MLX: variants seen among roughly 807,000 people sequenced by gnomAD.
The protein encoded by MLX is max-like protein X.
MLX carries 15 observed loss-of-function variants against 33.0 expected under a neutral mutation model. The ratio of observed to expected loss-of-function variants is 0.45; its 90% CI spans 0.30 to 0.70. The LOEUF (loss-of-function observed/expected upper bound fraction) is 0.70. MLX is among the 30% of genes least tolerant of loss of function. MLX has a pLI of 0.07. For missense variants in MLX, 285 were observed against 306.3 expected (o/e 0.93, Z 0.52); for synonymous variants, 115 against 115.6 (o/e 0.99, Z 0.03).
Position 42,572,838 on chromosome 17 carries a change from C to T in MLX, c.*1235C>T. On this transcript the variant is annotated 3_prime_UTR_variant, in exon 8 of 8. Transcript: ENST00000435881. The stretch of plus-strand genomic sequence containing the variant: ...CAGTGCTCTGGTTTATGCTTGTCTC[C>T]TGACTGCTCTGCTTAAAGGTGAAAG... 1 of 1,125,032 alleles carries T rather than the reference C, an allele frequency of 8.9e-7. No homozygotes were observed. Among genetic ancestry groups the T allele is most frequent in the Non-Finnish European group, 1.3e-6 (1 of 753,866 alleles). The allele number at this position is 1,125,032 out of a possible 1,614,324, so 69.7% of individuals were successfully genotyped here. A position where few individuals can be genotyped will look rare whatever the true frequency, so the allele number is the denominator to read the frequency against.
Position 42,573,095 on chromosome 17 carries a change from A to T in MLX, c.*1492A>T. 6.2e-7 allele frequency: 1 copy of T among 1,614,228 alleles called. No individual in the cohort carries two copies. Among genetic ancestry groups the T allele is most frequent in the East Asian group, 2.2e-5 (1 of 44,886 alleles). ...CCACAGGGAAGCAAAGAAGGAAGAG[A>T]GCTCCACTTACAAAGAACTGCTTCT... is the stretch of plus-strand genomic sequence containing the variant. On this transcript the variant is annotated 3_prime_UTR_variant, in exon 8 of 8. Coordinates refer to ENST00000435881, the MANE Select transcript of MLX (RefSeq NM_198204.2).
In MLX at chr17:42,567,130, G is replaced by A. The variant is rs750959646; in HGVS notation, c.6G>A (p.Thr2=). The A allele has an allele frequency of 1.6e-6, 2 of 1,259,726 alleles. No homozygotes were observed. The highest frequency in any genetic ancestry group is 2.0e-6 in the Non-Finnish European group (2 of 1,002,728). The allele number at this position is 1,259,726 out of a possible 1,614,324, so 78.0% of individuals were successfully genotyped here. The change falls in exon 1 of 8, where the codon ACG becomes ACA. Residue 2 remains threonine (T), a synonymous_variant. Transcript: ENST00000435881. M[T]EPGASPEDPW... is the part of the protein sequence containing the mutation. ...TCCGGTCCGGTGGGTACAAGATGAC[G>A]GAGCCGGGCGCCTCTCCCGAGGACC... is the stretch of plus-strand genomic sequence containing the variant.
At chr17:42,567,346 G>T in intron 1 of MLX, 180 bp downstream of exon 1, 1 of 1,406,680 alleles carries the variant, frequency 7.1e-7, no homozygotes. Context: ...GACAAACGAG[G>T]CGTGTGCGCG....
At chr17:42,569,945 T>C in intron 6 of MLX, 37 bp from the exon 7 acceptor site, 1 of 1,595,558 alleles carries the variant, frequency 6.3e-7, no homozygotes, top group Non-Finnish European at 8.6e-7. Context: ...TGGGCGGAGC[T>C]GCTGCAGCAC....
intron 2 of MLX, 149 bp downstream of exon 2, chr17:42,567,804 C>G (rs2093014929): frequency 2.1e-6 from 2 of 971,776 alleles, no homozygotes; most frequent in Non-Finnish European, 1.6e-6. Flanking sequence ...AGGACAAGGG[C>G]AGAAAACAAC....
chr17:42,573,151 C>T lies in MLX; in HGVS notation c.*1548C>T. On this transcript the variant is annotated 3_prime_UTR_variant, in exon 8 of 8. Coordinates refer to ENST00000435881, the MANE Select transcript of MLX (RefSeq NM_198204.2). ...TTGGGGTATCCTTCAAGTATTGCATCAGACAGCTCTGTAGCCTGACAAGAA... is the reference window on the plus strand; with the variant it reads ...TTGGGGTATCCTTCAAGTATTGCATTAGACAGCTCTGTAGCCTGACAAGAA... 2 of 1,614,252 alleles carry T rather than the reference C, an allele frequency of 1.2e-6. No homozygotes were observed. Among genetic ancestry groups the T allele is most frequent in the Admixed American group, 1.7e-5 (1 of 60,032 alleles).
In MLX at chr17:42,568,879, C is replaced by T. The variant is rs139677858; in HGVS notation, c.212C>T (p.Ser71Phe). 4.3e-6 allele frequency: 7 copies of T among 1,611,832 alleles called. No homozygotes were observed. Among genetic ancestry groups the T allele is most frequent in the African/African-American group, 1.3e-5 (1 of 74,840 alleles). The change falls in exon 4 of 8, where the codon TCC (serine) becomes TTC (phenylalanine). Residue 71 changes from serine to phenylalanine, a missense_variant. Transcript: ENST00000435881. ...SDYHQEAYKE[S>F]YKDRRRRAHT... ...TACCACCAGGAGGCCTACAAGGAGT[C>T]CTACAAAGACCGGCGGCGGCGCGCA...
intron 7 of MLX, among the ~76,000 whole-genome samples, 173 bp from the exon 8 acceptor site, chr17:42,571,374 G>C (rs984635654): frequency 3.3e-5 from 5 of 152,086 alleles, no homozygotes; most frequent in Admixed American, 2.0e-4. Context: ...TGATCCACCC[G>C]CCTTGGCCTC....
chr17:42,570,349 C>G (rs1487731724), intron 7 of MLX, among the ~76,000 whole-genome samples, 166 bp downstream of exon 7: 1 of 152,170 alleles, frequency 6.6e-6, no homozygotes, highest in Non-Finnish European at 1.5e-5. Flanking sequence ...CTGTCTAACC[C>G]ACATCTTCAT....
At position 42,569,245 on chromosome 17, in the gene MLX, G is replaced by A. The variant is rs1003940032; in HGVS notation, c.318G>A (p.Gln106=). 1 of 1,614,138 alleles carries A rather than the reference G, an allele frequency of 6.2e-7. No individual in the cohort carries two copies. The highest frequency in any genetic ancestry group is 8.5e-7 in the Non-Finnish European group (1 of 1,180,028). The change falls in exon 5 of 8, where the codon CAG becomes CAA. Residue 106 remains glutamine, a synonymous_variant. Coordinates refer to ENST00000435881, the MANE Select transcript of MLX (RefSeq NM_198204.2). ...TTCAGACCATCGTCCCCACTTGCCA[G>A]CAGCAGGACTTCTCCATTGGCTCCC... ...DDLQTIVPTC[Q]QQDFSIGSQK...
In MLX at chr17:42,567,280, C is replaced by T. The variant is rs2093011888; in HGVS notation, c.42+114C>T. Reference sequence around the variant, plus strand: ...TGTCCCCAAAGTCCCCCACGCTCTCCGTGCCCCGGGGCTGCAGAGAAGACA... The same window carrying T: ...TGTCCCCAAAGTCCCCCACGCTCTCTGTGCCCCGGGGCTGCAGAGAAGACA... On this transcript the variant is annotated intron_variant, in intron 1 of 7. Transcript: ENST00000435881. The T allele has an allele frequency of 4.5e-6, 6 of 1,346,646 alleles. No individual in the cohort carries two copies. The South Asian group carries it at 1.3e-4, about 29-fold the overall frequency. 83.4% of individuals were successfully genotyped at this position (1,346,646 alleles called of 1,614,324 possible).
At chr17:42,569,169 G>A in intron 4 of MLX, 35 bp from the exon 5 acceptor site, 1 of 1,593,156 alleles carries the variant, frequency 6.3e-7, no homozygotes, top group Non-Finnish European at 8.6e-7. Context: ...AATCTCTCAG[G>A]GTTAAAGAAC....
Position 42,568,521 on chromosome 17 carries a change from G to T in MLX, c.131G>T (p.Ser44Ile). 1 of 1,613,930 alleles carries T rather than the reference G, an allele frequency of 6.2e-7. No homozygotes were observed. The highest frequency in any genetic ancestry group is 8.5e-7 in the Non-Finnish European group (1 of 1,179,902). Residue 44 changes from serine (S) to isoleucine (I), a missense_variant, in exon 3 of 8, where the codon AGC becomes ATC. Physicochemically the swap from Ser to Ile is moderately radical, Grantham distance 142. Coordinates refer to ENST00000435881, the MANE Select transcript of MLX (RefSeq NM_198204.2). ...GGGAGTGTAGTGTCCAGAGCTAATA[G>T]CATCGGTTCCACCAGTGCCTCTTCT... ...RKGSVVSRAN[S>I]IGSTSASSVP...
Position 42,567,482 on chromosome 17 carries a change from C to T in MLX, c.43-137C>T, listed in dbSNP as rs896923089. 8.8e-6 allele frequency: 13 copies of T among 1,475,312 alleles called. No homozygotes were observed. In the African/African-American group the frequency reaches 1.4e-4, roughly 16 times the overall value. 91.4% of individuals were successfully genotyped at this position (1,475,312 alleles called of 1,614,324 possible). ...CATTAAGCTGCCCGCGCACCCCGGGCTGTGTGTGTGCAAGCGCGCAGGGTG... is the reference window on the plus strand; with the variant it reads ...CATTAAGCTGCCCGCGCACCCCGGGTTGTGTGTGTGCAAGCGCGCAGGGTG... On this transcript the variant is annotated intron_variant, in intron 1 of 7. Transcript: ENST00000435881.
intron 1 of MLX, 58 bp from the exon 2 acceptor site, chr17:42,567,559 AGG>A: frequency 6.2e-7 from 1 of 1,610,878 alleles, no homozygotes; most frequent in South Asian, 1.1e-5. Flanking sequence ...CTGCAGTGGA[AGG>A]GGCGCCTCCC....
Position 42,567,118 on chromosome 17 carries a change from G to A in MLX, c.-7G>A. 8.0e-7 allele frequency: 1 copy of A among 1,257,530 alleles called. No homozygotes were observed. Among genetic ancestry groups the A allele is most frequent in the Non-Finnish European group, 1.0e-6 (1 of 1,001,750 alleles). 77.9% of individuals were successfully genotyped at this position (1,257,530 alleles called of 1,614,324 possible). The stretch of plus-strand genomic sequence containing the variant: ...CGCTGGCCCGTTTCCGGTCCGGTGG[G>A]TACAAGATGACGGAGCCGGGCGCCT... On this transcript the variant is annotated 5_prime_UTR_variant, in exon 1 of 8. Coordinates refer to ENST00000435881, the MANE Select transcript of MLX (RefSeq NM_198204.2).
intron 2 of MLX, chr17:42,567,918 A>G (rs796345953): frequency 1.6e-5 from 9 of 560,382 alleles, no homozygotes; most frequent in African/African-American, 1.5e-4. Flanking sequence ...CATCACGTCC[A>G]CATGCCCGTT....
intron 7 of MLX, among the ~76,000 whole-genome samples, chr17:42,570,695 G>A (rs560668872): frequency 3.3e-5 from 5 of 151,534 alleles, no homozygotes; most frequent in Non-Finnish European, 7.4e-5. Context: ...TCGTTCTGTC[G>A]CCCAGGCTGG....
intron 7 of MLX, among the ~76,000 whole-genome samples, chr17:42,571,139 T>C (rs1023574454): frequency 8.9e-5 from 11 of 123,278 alleles, no homozygotes; most frequent in South Asian, 6.9e-4. Context: ...TCCTGGGGGC[T>C]TTTTTTTTTT....
Sources: gnomAD v4.1 joint callset for allele counts (sites outside exome capture counted in the v4.1 genomes callset) on GRCh38, gnomAD v4.1.1 for gene constraint, MANE v1.5 for transcripts, NCBI Gene and HGNC (gene_info 2026-07-23, HGNC 2026-07-21) for gene names.